The following DDI2 variants were observed in gnomAD, a reference collection of about 807,000 sequenced individuals.
DDI2 encodes DDI proteasomal shuttling factor 2, also known as protein DDI1 homolog 2.
A neutral mutation model predicts 48.1 loss-of-function variants in DDI2; 5 were observed. That is an observed-to-expected ratio of 0.10 (90% CI 0.05 to 0.22). The LOEUF (loss-of-function observed/expected upper bound fraction) is 0.22. DDI2 is among the 10% of genes least tolerant of loss of function. The pLI is 1.00. For synonymous variants in DDI2, 205 were observed against 183.6 expected (o/e 1.12, Z -0.94); for missense variants, 285 against 506.2 (o/e 0.56, Z 4.19).
At position 15,638,426 on chromosome 1, in the gene DDI2, T is replaced by A; in HGVS notation, c.752T>A (p.Val251Asp). 2 of 1,613,872 alleles carry A rather than the reference T, an allele frequency of 1.2e-6. No homozygotes were observed. The highest frequency in any genetic ancestry group is 1.7e-6 in the Non-Finnish European group (2 of 1,179,884). The change falls in exon 5 of 10, where the codon GTT becomes GAT. Residue 251 changes from valine (V) to aspartate (D), a missense_variant. By Grantham distance (152) the Val-to-Asp change is radical. Around this residue, in one of 3 missense-constraint regions of DDI2, gnomAD observed 70 missense variants for 182.3 expected, o/e 0.38. Transcript: ENST00000480945. ...KVNGHPVKAF[V>D]DSGAQMTIMS... ...AATGGACATCCTGTGAAAGCCTTTG[T>A]TGACTCAGGTGACGTCTCTGTCTTT...
chr1:15,659,622 G>C (rs1350833001), intron 9 of DDI2, among the ~76,000 whole-genome samples: 1 of 152,194 alleles, frequency 6.6e-6, no homozygotes, highest in Admixed American at 6.5e-5. Flanking sequence ...ACAGTATGCA[G>C]ATTTTATTAA....
chr1:15,632,840 A>T (rs967774122), intron 3 of DDI2, among the ~76,000 whole-genome samples: 3 of 151,828 alleles, frequency 2.0e-5, no homozygotes, highest in African/African-American at 7.3e-5. Flanking sequence ...CCACCATTTT[A>T]AATTGGAAAG....
intron 2 of DDI2, among the ~76,000 whole-genome samples, chr1:15,628,835 A>G (rs1198965274): frequency 2.0e-5 from 3 of 152,194 alleles, no homozygotes; most frequent in African/African-American, 4.8e-5. Flanking sequence ...AAGAAATCCT[A>G]TACCCATTTA....
chr1:15,622,198 CTTT>C (rs923707351), intron 1 of DDI2, among the ~76,000 whole-genome samples: 1 of 131,228 alleles, frequency 7.6e-6, no homozygotes, highest in Non-Finnish European at 1.6e-5. Flanking sequence ...GTAGCTGCGA[CTTT>C]TTTTTTTTTT....
At chr1:15,635,432 GT>G (rs1403263717) in intron 4 of DDI2, among the ~76,000 whole-genome samples, 55 of 152,140 alleles carry the variant, frequency 3.6e-4, no homozygotes, top group African/African-American at 1.3e-3. Context: ...CCAAGACGGA[GT>G]CTTGCTCTGT....
chr1:15,642,704 A>G (rs1005969238), intron 5 of DDI2, among the ~76,000 whole-genome samples: 2 of 152,200 alleles, frequency 1.3e-5, no homozygotes, highest in African/African-American at 4.8e-5. Context: ...TGGGCAGATC[A>G]CTTGAGGTGA....
chr1:15,619,449 C>T (rs2103458414), intron 1 of DDI2, among the ~76,000 whole-genome samples: 2 of 148,698 alleles, frequency 1.3e-5, no homozygotes, highest in South Asian at 4.3e-4. Context: ...TTGATAGTGG[C>T]TTTTTCTTTT....
intron 2 of DDI2, 75 bp from the exon 3 acceptor site, chr1:15,630,250 A>G (rs972334868): frequency 2.1e-5 from 29 of 1,354,958 alleles, no homozygotes; most frequent in South Asian, 3.7e-5. Flanking sequence ...TGTATGAGCA[A>G]GTGTTCTGCT....
chr1:15,656,567 G>C (rs1640276396), intron 8 of DDI2, 50 bp from the exon 9 acceptor site: 1 of 1,613,938 alleles, frequency 6.2e-7, no homozygotes, highest in Non-Finnish European at 8.5e-7. Flanking sequence ...CATGCTGTGT[G>C]GTTTGCATTG....
chr1:15,656,477 A>G, intron 8 of DDI2, 140 bp from the exon 9 acceptor site: 2 of 1,559,620 alleles, frequency 1.3e-6, no homozygotes, highest in Non-Finnish European at 8.7e-7. Context: ...TGGATGTCCA[A>G]ACTACAGAAA....
intron 1 of DDI2, among the ~76,000 whole-genome samples, chr1:15,623,378 TTTC>T (rs1386960750): frequency 1.4e-4 from 20 of 146,680 alleles, no homozygotes; most frequent in East Asian, 9.7e-4. Flanking sequence ...CAATTGCAGT[TTTC>T]TTCTTCTTTT....
At chr1:15,655,509 T>C (rs930731486) in intron 8 of DDI2, among the ~76,000 whole-genome samples, 2 of 151,190 alleles carry the variant, frequency 1.3e-5, no homozygotes, top group South Asian at 2.1e-4. Flanking sequence ...CCCAACACTT[T>C]GGGAGGCTGA....
chr1:15,642,262 A>G (rs76291985), intron 5 of DDI2, among the ~76,000 whole-genome samples: 8,415 of 152,260 alleles, frequency 0.055, 305 homozygotes, highest in South Asian at 0.077. Context: ...ACTGTCTTCT[A>G]CATAGGCCAA....
chr1:15,660,768 T>C lies in DDI2; in HGVS notation c.*978T>C. On this transcript the variant is annotated 3_prime_UTR_variant, in exon 10 of 10. Coordinates refer to ENST00000480945, the MANE Select transcript of DDI2 (RefSeq NM_032341.5). ...CAAAATGTAACCCTTCATCTGAAAT[T>C]TTGAATGATTCCATTTCCACTCAGG... 6.2e-7 allele frequency: 1 copy of C among 1,613,896 alleles called. No individual in the cohort carries two copies. Among genetic ancestry groups the C allele is most frequent in the South Asian group, 1.1e-5 (1 of 91,002 alleles).
At chr1:15,639,891 C>T (rs182905890) in intron 5 of DDI2, among the ~76,000 whole-genome samples, 196 of 152,016 alleles carry the variant, frequency 1.3e-3, no homozygotes, top group Admixed American at 2.4e-3. Flanking sequence ...ACCTATAGTC[C>T]CAGCTACGGG....
chr1:15,649,070 C>G (rs960772283), intron 6 of DDI2, among the ~76,000 whole-genome samples: 1 of 151,944 alleles, frequency 6.6e-6, no homozygotes, highest in South Asian at 2.1e-4. Flanking sequence ...TCAATCTCTA[C>G]AAAAAGTTTT....
At chr1:15,635,254 A>G (rs1048523765) in intron 4 of DDI2, among the ~76,000 whole-genome samples, 28 of 152,030 alleles carry the variant, frequency 1.8e-4, no homozygotes, top group Non-Finnish European at 3.2e-4. Flanking sequence ...AAGAAATATA[A>G]TTGTACACTA....
intron 6 of DDI2, 80 bp downstream of exon 6, chr1:15,643,730 G>A (rs185804055): frequency 2.0e-6 from 3 of 1,533,242 alleles, no homozygotes; most frequent in East Asian, 2.4e-5. Flanking sequence ...GTTTTTAGAG[G>A]GTCTTTTGTT....
intron 5 of DDI2, 84 bp downstream of exon 5, chr1:15,638,518 C>T: frequency 4.5e-6 from 5 of 1,115,906 alleles, no homozygotes; most frequent in Admixed American, 2.4e-5. Context: ...AGCATCCGTT[C>T]AGATGGCTGT....
Sources: allele counts gnomAD v4.1 joint callset (sites outside exome capture counted in the v4.1 genomes callset), GRCh38; gene constraint gnomAD v4.1.1; regional missense constraint gnomAD v4.1.1; transcripts MANE v1.5; gene names NCBI Gene and HGNC (gene_info 2026-07-23, HGNC 2026-07-21).